Variants in NRXN1 observed in about 807,000 individuals in gnomAD.
NRXN1 encodes neurexin 1.
NRXN1 carries 39 observed loss-of-function variants against 150.9 expected under a neutral mutation model. The ratio of observed to expected loss-of-function variants is 0.26; its 90% CI spans 0.20 to 0.34. The LOEUF (loss-of-function observed/expected upper bound fraction) is 0.34, where lower values mean the gene tolerates loss of function less well. Among genes scored for constraint, NRXN1 ranks in the 10% least tolerant of loss-of-function variants. The probability of loss-of-function intolerance (pLI) is 1.00; values close to 1 mark genes in which losing one functional copy is unlikely to be tolerated. For synonymous variants in NRXN1, 924 were observed against 757.0 expected (o/e 1.22, Z -3.62); for missense variants, 1,815 against 1,949.9 (o/e 0.93, Z 1.30).
intron 5 of NRXN1, among the ~76,000 whole-genome samples, chr2:50,913,570 C>T (rs957354783): frequency 2.0e-5 from 3 of 151,696 alleles, no homozygotes; most frequent in Non-Finnish European, 4.4e-5. Context: ...ATTGTATAGT[C>T]TATACCTGGG....
intron 19 of NRXN1, among the ~76,000 whole-genome samples, chr2:50,068,378 T>G (rs1431687338): frequency 2.5e-5 from 3 of 121,708 alleles, no homozygotes; most frequent in Non-Finnish European, 5.4e-5. Flanking sequence ...GATATGAATT[T>G]AAATTCCTAA....
intron 5 of NRXN1, among the ~76,000 whole-genome samples, chr2:50,638,079 A>AT: frequency 6.6e-6 from 1 of 152,060 alleles, no homozygotes; most frequent in Admixed American, 6.6e-5. Flanking sequence ...AGGGAGATCC[A>AT]TAACATTTAC....
At chr2:50,921,943 GA>G in intron 4 of NRXN1, 63 bp from the exon 5 acceptor site, 2 of 949,882 alleles carry the variant, frequency 2.1e-6, no homozygotes, top group Non-Finnish European at 3.0e-6. Context: ...ATAAAGAGGA[GA>G]AAAACAACAA....
chr2:50,544,214 T>A (rs962058852), intron 9 of NRXN1, among the ~76,000 whole-genome samples: 1 of 145,336 alleles, frequency 6.9e-6, no homozygotes, highest in Non-Finnish European at 1.5e-5. Flanking sequence ...TCAAACTTGA[T>A]GAAATATGCA....
At chr2:50,525,814 G>A (rs1024779524) in intron 12 of NRXN1, among the ~76,000 whole-genome samples, 1 of 152,136 alleles carries the variant, frequency 6.6e-6, no homozygotes. Flanking sequence ...TCTTCCCGGG[G>A]GGGAAATGGT....
chr2:50,851,216 T>A (rs1237509969), intron 5 of NRXN1, among the ~76,000 whole-genome samples: 1 of 152,106 alleles, frequency 6.6e-6, no homozygotes, highest in African/African-American at 2.4e-5. Context: ...TCTAGGCATT[T>A]ATTCCCCCCA....
chr2:50,619,984 C>A (rs1443043211), intron 8 of NRXN1, 38 bp downstream of exon 8: 2 of 1,509,260 alleles, frequency 1.3e-6, no homozygotes, highest in South Asian at 1.4e-5. Context: ...ATGATGAGAC[C>A]ATGAATTAGG....
At chr2:50,320,874 G>A (rs1004946763) in intron 17 of NRXN1, among the ~76,000 whole-genome samples, 1 of 152,122 alleles carries the variant, frequency 6.6e-6, no homozygotes, top group Admixed American at 6.6e-5. Context: ...TGATTCAACA[G>A]CAATGGTTTG....
intron 8 of NRXN1, chr2:50,615,384 C>A (rs368343051): frequency 2.0e-5 from 3 of 152,258 alleles, no homozygotes. Flanking sequence ...ACACACAGTC[C>A]TTTCCTACCT....
chr2:50,043,580 G>A (rs1042314295), intron 21 of NRXN1, among the ~76,000 whole-genome samples: 1 of 152,120 alleles, frequency 6.6e-6, no homozygotes, highest in African/African-American at 2.4e-5. Context: ...ATGAACACAA[G>A]TACCTACATC....
chr2:49,979,143 C>T (rs1423470019), intron 21 of NRXN1, among the ~76,000 whole-genome samples: 2 of 151,864 alleles, frequency 1.3e-5, no homozygotes, highest in Non-Finnish European at 2.9e-5. Flanking sequence ...CTAAAAATTC[C>T]AAAATTAGCC....
intron 5 of NRXN1, among the ~76,000 whole-genome samples, chr2:50,639,941 A>T (rs1683817904): frequency 6.6e-6 from 1 of 152,166 alleles, no homozygotes; most frequent in African/African-American, 2.4e-5. Flanking sequence ...TAGAATTCCC[A>T]CAATAGGAAT....
In NRXN1 at chr2:50,346,675, G is replaced by C. The variant is rs1227805288; in HGVS notation, c.3365-109705C>G. ...GCGAGGGGATAACCCGCGAGAACTT[G>C]GCATCGCAGACCCACCGTGTCCGCC... On this transcript the variant is annotated intron_variant, in intron 17 of 22. Coordinates refer to ENST00000401669, the MANE Select transcript of NRXN1 (RefSeq NM_001330078.2). This position sits in a 1 kb window ranked among gnomAD's most constrained non-coding sequence, Gnocchi z 5.0. 1 of 1,612,188 alleles carries C rather than the reference G, an allele frequency of 6.2e-7. No individual in the cohort carries two copies. Among genetic ancestry groups the C allele is most frequent in the Non-Finnish European group, 8.5e-7 (1 of 1,178,786 alleles).
intron 8 of NRXN1, among the ~76,000 whole-genome samples, chr2:50,608,918 C>T (rs565076644): frequency 4.0e-4 from 61 of 152,006 alleles, no homozygotes; most frequent in Non-Finnish European, 7.5e-4. Flanking sequence ...ACTGACTATT[C>T]CCAATTCAGT....
chr2:50,528,365 C>T lies in NRXN1; in HGVS notation c.2374+260G>A, dbSNP rs984461694. Among the ~76,000 whole-genome samples the T allele has an allele frequency of 4.4e-4, 67 of 152,208 alleles. 1 individual carries two copies. Among genetic ancestry groups the T allele is most frequent in the African/African-American group, 1.6e-3 (67 of 41,548 alleles). On this transcript the variant is annotated intron_variant, in intron 12 of 22. Coordinates refer to ENST00000401669, the MANE Select transcript of NRXN1 (RefSeq NM_001330078.2). ...AATGCCACTTGCAGTATCTAAATGT[C>T]TATAAGGTGCTGGCACATTCTGTTA... is the stretch of plus-strand genomic sequence containing the variant.
intron 17 of NRXN1, among the ~76,000 whole-genome samples, chr2:50,343,662 G>T (rs1159491191): frequency 6.6e-6 from 1 of 152,174 alleles, no homozygotes; most frequent in Non-Finnish European, 1.5e-5. Flanking sequence ...TCTGCGCCCT[G>T]CAAACCTTGT....
At chr2:50,951,169 G>C (rs1411413253) in intron 2 of NRXN1, among the ~76,000 whole-genome samples, 2 of 152,192 alleles carry the variant, frequency 1.3e-5, no homozygotes, top group African/African-American at 4.8e-5. Context: ...ATTCCTTGGA[G>C]ATGTGCCTTG....
intron 21 of NRXN1, among the ~76,000 whole-genome samples, chr2:50,040,473 A>G (rs1690763547): frequency 6.6e-6 from 1 of 151,998 alleles, no homozygotes; most frequent in Non-Finnish European, 1.5e-5. Context: ...CCAGGATTGT[A>G]TAAGTATTGT....
intron 18 of NRXN1, among the ~76,000 whole-genome samples, chr2:50,196,809 A>G (rs897944749): frequency 2.0e-5 from 3 of 152,204 alleles, no homozygotes; most frequent in Non-Finnish European, 4.4e-5. Flanking sequence ...ATGCAGGAAC[A>G]GAAAACCAAA....
Sources: gnomAD v4.1 joint callset for allele counts (sites outside exome capture counted in the v4.1 genomes callset) on GRCh38, gnomAD v4.1.1 for gene constraint, Gnocchi (gnomAD v3.1) non-coding constraint, MANE v1.5 for transcripts, NCBI Gene and HGNC (gene_info 2026-07-23, HGNC 2026-07-21) for gene names.